Variants in TEKT5 observed in about 807,000 individuals in gnomAD.
The protein encoded by TEKT5 is tektin 5.
In TEKT5, 52 loss-of-function variants were observed where a neutral mutation model predicts 48.7. The ratio of observed to expected loss-of-function variants is 1.07; its 90% CI spans 0.86 to 1.35. The LOEUF (loss-of-function observed/expected upper bound fraction) is 1.35, where lower values mean the gene tolerates loss of function less well. Ranked by LOEUF, TEKT5 falls within the 40% of genes most tolerant of loss-of-function variation. The probability of loss-of-function intolerance (pLI) is 0.00; values close to 1 mark genes in which losing one functional copy is unlikely to be tolerated. For missense variants in TEKT5, 831 were observed against 641.6 expected, an observed-to-expected ratio of 1.30 and a Z score of -3.19; for synonymous variants, 318 against 267.6, an observed-to-expected ratio of 1.19 and a Z score of -1.84.
chr16:10,672,166 T>C (rs971562444), intron 5 of TEKT5, among the ~76,000 whole-genome samples: 5 of 152,122 alleles, frequency 3.3e-5, no homozygotes, highest in African/African-American at 1.2e-4. Flanking sequence ...CTAAGTTTTA[T>C]GTTATGTGTA....
Position 10,694,386 on chromosome 16 carries a change from A to G in TEKT5, c.488T>C (p.Leu163Pro). 1 of 1,614,070 alleles carries G rather than the reference A, an allele frequency of 6.2e-7. No individual in the cohort carries two copies. Among genetic ancestry groups the G allele is most frequent in the Non-Finnish European group, 8.5e-7 (1 of 1,180,008 alleles). Reference sequence around the variant, plus strand: ...CGTCTCCAAGTTCTGGTTCTCAGTCAGAAGCCTGTCCAGCTCATAGCTCAG... The same window carrying G: ...CGTCTCCAAGTTCTGGTTCTCAGTCGGAAGCCTGTCCAGCTCATAGCTCAG... ...SELSYELDRLLTENQNLETVK... is the reference protein window; with the variant it reads ...SELSYELDRLPTENQNLETVK... Residue 163 changes from leucine (L) to proline (P), a missense_variant, in exon 1 of 7, where the codon CTG becomes CCG. By Grantham distance (98) the Leu-to-Pro change is moderately conservative (BLOSUM62 -3). Coordinates refer to ENST00000283025, the MANE Select transcript of TEKT5 (RefSeq NM_144674.2).
intron 5 of TEKT5, among the ~76,000 whole-genome samples, chr16:10,648,240 T>C (rs1440513929): frequency 6.6e-6 from 1 of 152,180 alleles, no homozygotes; most frequent in Non-Finnish European, 1.5e-5. Flanking sequence ...CCAAGACTCT[T>C]ACATGAATCA....
At chr16:10,631,964 G>C (rs567901464) in intron 6 of TEKT5, among the ~76,000 whole-genome samples, 1 of 152,362 alleles carries the variant, frequency 6.6e-6, no homozygotes, top group East Asian at 1.9e-4. Flanking sequence ...GCGGCAAGGT[G>C]AGCTGTGATG....
chr16:10,686,822 C>T (rs921423104), intron 3 of TEKT5, among the ~76,000 whole-genome samples: 22 of 152,032 alleles, frequency 1.4e-4, no homozygotes, highest in African/African-American at 4.6e-4. Flanking sequence ...AGCCAAGATA[C>T]GAAATCAACC....
intron 3 of TEKT5, among the ~76,000 whole-genome samples, chr16:10,685,298 TTC>T (rs763332137): frequency 2.0e-4 from 30 of 151,658 alleles, no homozygotes; most frequent in Non-Finnish European, 3.7e-4. Flanking sequence ...CCCTCTCTCT[TTC>T]TCTCTCTCTC....
chr16:10,662,252 C>T (rs1463164970), intron 5 of TEKT5, among the ~76,000 whole-genome samples: 1 of 152,170 alleles, frequency 6.6e-6, no homozygotes, highest in Non-Finnish European at 1.5e-5. Context: ...TTGCCAAATG[C>T]CCCTGGGGGA....
chr16:10,662,795 A>T (rs967064192), intron 5 of TEKT5, among the ~76,000 whole-genome samples: 8 of 152,292 alleles, frequency 5.3e-5, no homozygotes, highest in African/African-American at 1.9e-4. Flanking sequence ...ACTTTAGGCA[A>T]ATCACTTTTT....
In TEKT5 at chr16:10,694,676, G is replaced by A. The variant is rs144969318; in HGVS notation, c.198C>T (p.Asp66=). 58 of 1,613,214 alleles carry A rather than the reference G, an allele frequency of 3.6e-5. No individual in the cohort carries two copies. The highest frequency in any genetic ancestry group is 1.6e-4 in the Middle Eastern group (1 of 6,078). ...GCGGCCGCAGGGTACTGGTGCTCTC[G>A]TCCGGGCAGGTCTGGACGTTGGCTA... ...YKIANVQTCP[D]ESTSTLRPPT... is the part of the protein sequence containing the mutation. The change falls in exon 1 of 7, where the codon GAC becomes GAT. Residue 66 remains aspartate, a synonymous_variant. Coordinates refer to ENST00000283025, the MANE Select transcript of TEKT5 (RefSeq NM_144674.2).
chr16:10,650,847 T>C (rs954491635), intron 5 of TEKT5, among the ~76,000 whole-genome samples: 1 of 150,892 alleles, frequency 6.6e-6, no homozygotes, highest in African/African-American at 2.4e-5. Context: ...ATTGTGGCAT[T>C]GCATTTCAGC....
intron 1 of TEKT5, chr16:10,690,700 T>C: frequency 2.0e-6 from 2 of 985,254 alleles, no homozygotes; most frequent in Non-Finnish European, 2.4e-6. Context: ...GCCTTACAAC[T>C]CTCATGCAGA....
intron 6 of TEKT5, among the ~76,000 whole-genome samples, chr16:10,628,664 G>A (rs752070828): frequency 4.5e-4 from 69 of 152,250 alleles, no homozygotes; most frequent in Non-Finnish European, 5.9e-4. Context: ...CAGCACTTTG[G>A]GAGGCTGAGA....
intron 4 of TEKT5, among the ~76,000 whole-genome samples, chr16:10,677,896 G>A (rs567113483): frequency 6.0e-4 from 91 of 152,282 alleles, no homozygotes; most frequent in African/African-American, 1.7e-3. Flanking sequence ...GACTCACAGC[G>A]TGGTAGCTGG....
At chr16:10,659,257 A>C (rs1898318290) in intron 5 of TEKT5, among the ~76,000 whole-genome samples, 1 of 152,246 alleles carries the variant, frequency 6.6e-6, no homozygotes, top group Admixed American at 6.5e-5. Flanking sequence ...AGATTAATGC[A>C]GTCAAATATC....
intron 5 of TEKT5, 78 bp from the exon 6 acceptor site, chr16:10,635,996 T>TA (rs1897908382): frequency 6.4e-7 from 1 of 1,564,466 alleles, no homozygotes; most frequent in Middle Eastern, 1.9e-4. Context: ...GGGGAGCAAG[T>TA]CAGCTAGGTC....
chr16:10,675,004 T>C (rs1898619348), intron 5 of TEKT5, among the ~76,000 whole-genome samples: 1 of 152,006 alleles, frequency 6.6e-6, no homozygotes. Flanking sequence ...TTTTCTATTT[T>C]TAGTAGAGCC....
At position 10,627,724 on chromosome 16, in the gene TEKT5, C is replaced by T. The variant is rs536602809; in HGVS notation, c.1317G>A (p.Thr439=). 3.7e-5 allele frequency: 60 copies of T among 1,614,028 alleles called. No homozygotes were observed. Among genetic ancestry groups the T allele is most frequent in the Non-Finnish European group, 4.0e-5 (47 of 1,180,020 alleles). The part of the protein sequence containing the change: ...LKLRLRETQD[T]LQLLVMTKCR... ...ACTTGGTCATGACCAGCAGCTGCAG[C>T]GTGTCCTGTGTCTCCCGCAGCCGCA... The change falls in exon 7 of 7, where the codon ACG becomes ACA. Residue 439 remains threonine, a synonymous_variant. Transcript: ENST00000283025.
chr16:10,655,504 T>C (rs908939125), intron 5 of TEKT5, among the ~76,000 whole-genome samples: 2 of 152,254 alleles, frequency 1.3e-5, no homozygotes, highest in Admixed American at 1.3e-4. Flanking sequence ...TATATGTTTG[T>C]GGCATTGTGG....
At chr16:10,672,341 C>G (rs985680212) in intron 5 of TEKT5, among the ~76,000 whole-genome samples, 16 of 152,110 alleles carry the variant, frequency 1.1e-4, no homozygotes, top group Non-Finnish European at 2.4e-4. Context: ...CTTTGGGAGG[C>G]AGAGGCAGGT....
chr16:10,684,395 C>CTT (rs921465373), intron 3 of TEKT5, among the ~76,000 whole-genome samples: 6 of 141,796 alleles, frequency 4.2e-5, no homozygotes, highest in Admixed American at 7.1e-5. Flanking sequence ...TCCCCTCCAT[C>CTT]TTTTTTTTTT....
Sources: gnomAD v4.1 joint callset for allele counts (sites outside exome capture counted in the v4.1 genomes callset) on GRCh38, gnomAD v4.1.1 for gene constraint, MANE v1.5 for transcripts, NCBI Gene and HGNC (gene_info 2026-07-23, HGNC 2026-07-21) for gene names.